Variants in DRC10 observed in about 807,000 individuals in gnomAD.
DRC10 encodes IQ domain-containing protein D.
At chr12:113,199,399 CATAA>C in the DRC10 span, among the ~76,000 whole-genome samples, 834 of 150,780 alleles carry the variant, frequency 5.5e-3, 8 homozygotes, top group African/African-American at 0.019. Context: ...CTGTCTCAAA[CATAA>C]ATAAATAAAT....
At chr12:113,195,918 C>A in the DRC10 span, 1 of 1,571,872 alleles carries the variant, frequency 6.4e-7, no homozygotes. Flanking sequence ...CTGGGGTCAC[C>A]ACACATAGAG....
At chr12:113,204,457 G>A in the DRC10 span, among the ~76,000 whole-genome samples, 6 of 152,356 alleles carry the variant, frequency 3.9e-5, no homozygotes, top group African/African-American at 1.2e-4. Context: ...CCCACAGGCC[G>A]AATCCAGCCA....
chr12:113,209,350 G>T, the DRC10 span, among the ~76,000 whole-genome samples: 1 of 152,194 alleles, frequency 6.6e-6, no homozygotes, highest in African/African-American at 2.4e-5. Context: ...TGGAACTGGA[G>T]AAATCCAAAT....
the DRC10 span, chr12:113,195,598 C>T: frequency 6.2e-7 from 1 of 1,604,082 alleles, no homozygotes; most frequent in Non-Finnish European, 8.5e-7. Context: ...TTGCCCTTCT[C>T]CTTGCCTTTC....
the DRC10 span, among the ~76,000 whole-genome samples, chr12:113,215,901 C>CT: frequency 1.3e-5 from 2 of 152,338 alleles, no homozygotes; most frequent in South Asian, 2.1e-4. Context: ...AGCAGAAACT[C>CT]TGTCATTGCT....
chr12:113,195,678 A>G, the DRC10 span: 2 of 1,613,390 alleles, frequency 1.2e-6, no homozygotes, highest in Non-Finnish European at 1.7e-6. Context: ...CAGGGAGCGC[A>G]CCAGATAGCC....
the DRC10 span, chr12:113,207,202 G>T: frequency 1.8e-6 from 1 of 560,112 alleles, no homozygotes; most frequent in South Asian, 2.0e-5. Context: ...ACAAAAATTA[G>T]CCGGGCGTGG....
chr12:113,210,990 G>A, the DRC10 span, among the ~76,000 whole-genome samples: 1 of 152,126 alleles, frequency 6.6e-6, no homozygotes, highest in Non-Finnish European at 1.5e-5. Context: ...GAGAAAGATG[G>A]GGCCCTTAAG....
At chr12:113,219,044 A>C in the DRC10 span, among the ~76,000 whole-genome samples, 6 of 151,918 alleles carry the variant, frequency 3.9e-5, no homozygotes, top group South Asian at 1.2e-3. Context: ...TGTTTTATTT[A>C]TTTATTTTTG....
At chr12:113,211,758 C>A in the DRC10 span, among the ~76,000 whole-genome samples, 1 of 152,056 alleles carries the variant, frequency 6.6e-6, no homozygotes, top group African/African-American at 2.4e-5. Context: ...TCCTTTGAGG[C>A]TTTTCCTGAA....
the DRC10 span, chr12:113,203,123 G>A: frequency 2.6e-5 from 11 of 424,062 alleles, 1 homozygote; most frequent in Admixed American, 5.2e-5. Flanking sequence ...CCTTCTGGGC[G>A]CAAGTGATCC....
At chr12:113,210,084 C>T in the DRC10 span, among the ~76,000 whole-genome samples, 12 of 152,180 alleles carry the variant, frequency 7.9e-5, no homozygotes, top group African/African-American at 2.7e-4. Context: ...TGCAGTAAGC[C>T]AAGTTTGCAT....
the DRC10 span, chr12:113,195,620 CTCCTTGTCCTTT>C: frequency 6.2e-7 from 1 of 1,611,542 alleles, no homozygotes; most frequent in Non-Finnish European, 8.5e-7. Context: ...GCTTGCCCTT[CTCCTTGTCCTTT>C]GCTTTGCCCT....
the DRC10 span, among the ~76,000 whole-genome samples, chr12:113,206,747 T>C: frequency 1.0e-4 from 15 of 148,746 alleles, no homozygotes; most frequent in African/African-American, 3.2e-4. Context: ...ACAGCAAGAC[T>C]CCATCTTAAA....
At chr12:113,208,382 G>A in the DRC10 span, 1 of 1,361,392 alleles carries the variant, frequency 7.3e-7, no homozygotes, top group South Asian at 1.8e-5. Context: ...CTTTTACACA[G>A]AACCTTTCAC....
the DRC10 span, among the ~76,000 whole-genome samples, chr12:113,204,562 G>C: frequency 6.6e-6 from 1 of 152,264 alleles, no homozygotes; most frequent in South Asian, 2.1e-4. Context: ...GCAAAGCTGA[G>C]TTGAGTAATT....
the DRC10 span, among the ~76,000 whole-genome samples, chr12:113,204,197 T>C: frequency 5.9e-5 from 9 of 152,240 alleles, no homozygotes; most frequent in African/African-American, 1.2e-4. Flanking sequence ...AACGTGCCAA[T>C]GCACTCAAGC....
chr12:113,204,800 A>G, the DRC10 span, among the ~76,000 whole-genome samples: 1 of 152,132 alleles, frequency 6.6e-6, no homozygotes, highest in Non-Finnish European at 1.5e-5. Flanking sequence ...GTGGTGGCAC[A>G]TGCCTGTAAT....
chr12:113,218,549 C>G, the DRC10 span, among the ~76,000 whole-genome samples: 1 of 152,074 alleles, frequency 6.6e-6, no homozygotes, highest in Non-Finnish European at 1.5e-5. Context: ...CTCAGGTGAT[C>G]CTCCCACCTC....
Sources: gnomAD v4.1 joint callset for allele counts (sites outside exome capture counted in the v4.1 genomes callset) on GRCh38, gnomAD v4.1.1 for gene constraint, MANE v1.5 for transcripts, NCBI Gene and HGNC (gene_info 2026-07-23, HGNC 2026-07-21) for gene names.